Variants in RBFOX1 observed in about 807,000 individuals in gnomAD.
RBFOX1 encodes RNA binding protein fox-1 homolog 1.
Under a neutral mutation model 57.7 loss-of-function variants are expected in RBFOX1, and 8 were observed. The ratio of observed to expected loss-of-function variants is 0.14; its 90% CI spans 0.08 to 0.25. RBFOX1 has a LOEUF of 0.25. Ranked by LOEUF, RBFOX1 falls within the 10% of genes least tolerant of loss-of-function variation. The pLI is 1.00. For synonymous variants in RBFOX1, 326 were observed against 222.4 expected, an observed-to-expected ratio of 1.47 and a Z score of -4.15; for missense variants, 611 against 548.5, an observed-to-expected ratio of 1.11 and a Z score of -1.14.
chr16:5,496,244 G>A (rs1045834627), intron 2 of RBFOX1, among the ~76,000 whole-genome samples: 1 of 152,146 alleles, frequency 6.6e-6, no homozygotes, highest in African/African-American at 2.4e-5. Flanking sequence ...TATTCCCTTT[G>A]CAATAAATCT....
chr16:6,884,317 T>G (rs2063536152), intron 3 of RBFOX1, among the ~76,000 whole-genome samples: 1 of 152,164 alleles, frequency 6.6e-6, no homozygotes, highest in Admixed American at 6.5e-5. Flanking sequence ...TGAGCCTTGC[T>G]TAACCAGGGC....
intron 3 of RBFOX1, among the ~76,000 whole-genome samples, chr16:7,051,687 G>T (rs576501807): frequency 2.0e-5 from 3 of 152,160 alleles, no homozygotes; most frequent in Non-Finnish European, 1.5e-5. Flanking sequence ...TCTGGAGTGG[G>T]CCTTTATGGA....
rs149370399 is a variant in RBFOX1 at position 6,736,982 on chromosome 16, C to T, written c.-16+82332C>T. 7.8e-3 allele frequency among the ~76,000 whole-genome samples: 1,193 copies of T among 152,228 alleles called. 8 individuals carry two copies. Among genetic ancestry groups the T allele is most frequent in the Non-Finnish European group, 0.012 (808 of 68,014 alleles). On this transcript the variant is annotated intron_variant, in intron 3 of 15. Coordinates refer to ENST00000550418, the MANE Select transcript of RBFOX1 (RefSeq NM_018723.4). ...AGCGACAGCCTGTGTGCCCTGTATTCGCCACTTATCCCTGACACGGGAACC... is the reference window on the plus strand; with the variant it reads ...AGCGACAGCCTGTGTGCCCTGTATTTGCCACTTATCCCTGACACGGGAACC...
chr16:6,142,129 T>C (rs931343895), intron 1 of RBFOX1, among the ~76,000 whole-genome samples: 3 of 143,868 alleles, frequency 2.1e-5, no homozygotes, highest in Admixed American at 1.4e-4. Flanking sequence ...CCTGATTAAT[T>C]TCTCTAAAAA....
At chr16:6,789,909 T>C (rs2082618154) in intron 3 of RBFOX1, among the ~76,000 whole-genome samples, 1 of 151,834 alleles carries the variant, frequency 6.6e-6, no homozygotes, top group African/African-American at 2.4e-5. Context: ...TATGATTTGG[T>C]TTATTAATTA....
At position 5,372,526 on chromosome 16, in the gene RBFOX1, G is replaced by T. The variant is rs138066640; in HGVS notation, c.220-94690G>T. On this transcript the variant is annotated intron_variant, in intron 1 of 2. Transcript: ENST00000585867. ...CCAGGACTCTGATTCCTCCACGTGT[G>T]GCACACAGGTTGGCCTACACTTCTG... Among the ~76,000 whole-genome samples the T allele has an allele frequency of 1.2e-4, 18 of 152,334 alleles. No individual in the cohort carries two copies. The East Asian group carries it at 2.9e-3, about 25-fold the overall frequency.
At chr16:5,707,872 C>G (rs1232847373) in intron 3 of RBFOX1, among the ~76,000 whole-genome samples, 1 of 152,152 alleles carries the variant, frequency 6.6e-6, no homozygotes, top group Non-Finnish European at 1.5e-5. Context: ...ATCAGACAGA[C>G]TTGGGTTCAG....
chr16:7,417,424 C>T (rs946484177), intron 4 of RBFOX1, among the ~76,000 whole-genome samples: 1 of 150,998 alleles, frequency 6.6e-6, no homozygotes, highest in South Asian at 2.1e-4. Flanking sequence ...CCCAGTTTCC[C>T]CAGTGGTAAC....
chr16:5,897,494 C>T (rs535117315), intron 4 of RBFOX1, among the ~76,000 whole-genome samples: 5 of 152,116 alleles, frequency 3.3e-5, no homozygotes, highest in African/African-American at 4.8e-5. Flanking sequence ...CAATGTTATT[C>T]TCGAAAATTG....
intron 1 of RBFOX1, among the ~76,000 whole-genome samples, chr16:5,255,380 CCAGACATG>C (rs1472570344): frequency 4.0e-5 from 6 of 151,532 alleles, no homozygotes; most frequent in Non-Finnish European, 8.8e-5. Flanking sequence ...ATCCATCCAT[CCAGACATG>C]CATACATCCA....
intron 10 of RBFOX1, among the ~76,000 whole-genome samples, chr16:7,629,867 CAG>C (rs1412984021): frequency 6.6e-6 from 1 of 152,206 alleles, no homozygotes; most frequent in Non-Finnish European, 1.5e-5. Context: ...GGCTGGAAGG[CAG>C]AGAGCTTTAG....
chr16:5,244,887 T>C (rs1314906024), intron 1 of RBFOX1, among the ~76,000 whole-genome samples: 1 of 152,170 alleles, frequency 6.6e-6, no homozygotes, highest in Non-Finnish European at 1.5e-5. Context: ...GGGAAGCAAG[T>C]CTTACTGTGC....
At chr16:5,803,978 A>C (rs2055146361) in intron 3 of RBFOX1, among the ~76,000 whole-genome samples, 3 of 151,822 alleles carry the variant, frequency 2.0e-5, no homozygotes, top group Non-Finnish European at 4.4e-5. Flanking sequence ...ACTCCTACTT[A>C]CCCTTCCAAG....
At chr16:6,141,859 G>T (rs1041649844) in intron 1 of RBFOX1, among the ~76,000 whole-genome samples, 7 of 151,948 alleles carry the variant, frequency 4.6e-5, no homozygotes, top group African/African-American at 1.7e-4. Context: ...AGGAGTTCAA[G>T]ACCAACCTGA....
intron 1 of RBFOX1, among the ~76,000 whole-genome samples, chr16:5,240,854 A>C (rs1218641538): frequency 6.6e-6 from 1 of 150,956 alleles, no homozygotes; most frequent in Non-Finnish European, 1.5e-5. Context: ...TCCTACCCCA[A>C]CTCTTCCTGT....
intron 3 of RBFOX1, among the ~76,000 whole-genome samples, chr16:6,686,461 T>G (rs1272659769): frequency 1.3e-5 from 2 of 152,214 alleles, no homozygotes; most frequent in Non-Finnish European, 2.9e-5. Context: ...AGCTTGTTTT[T>G]GCATAATTTA....
At chr16:7,476,770 A>G (rs1383950512) in intron 4 of RBFOX1, among the ~76,000 whole-genome samples, 1 of 152,182 alleles carries the variant, frequency 6.6e-6, no homozygotes. Context: ...AGGGGATGTC[A>G]GTAGGATTTG....
chr16:5,749,686 G>A (rs9929228), intron 3 of RBFOX1, among the ~76,000 whole-genome samples: 41,107 of 152,082 alleles, frequency 0.27, 6,054 homozygotes, highest in East Asian at 0.6. Context: ...CATTCGTCAC[G>A]TAGTTCTTGT....
intron 3 of RBFOX1, among the ~76,000 whole-genome samples, chr16:6,949,509 G>A (rs966152938): frequency 3.9e-5 from 6 of 152,114 alleles, no homozygotes; most frequent in Admixed American, 3.3e-4. Context: ...GCATTGGCAG[G>A]GTCTGTTTCT....
Sources: allele counts gnomAD v4.1 joint callset (sites outside exome capture counted in the v4.1 genomes callset), GRCh38; gene constraint gnomAD v4.1.1; transcripts MANE v1.5; gene names NCBI Gene and HGNC (gene_info 2026-07-23, HGNC 2026-07-21).